The following RBM25 variants were observed in gnomAD, a reference collection of about 807,000 sequenced individuals.
RBM25 encodes the protein RNA-binding protein 25.
In RBM25, 19 loss-of-function variants were observed where a neutral mutation model predicts 120.7. That is an observed-to-expected ratio of 0.16 (90% CI 0.11 to 0.23). RBM25 has a LOEUF of 0.23. Ranked by LOEUF, RBM25 falls within the 10% of genes least tolerant of loss-of-function variation. The pLI is 1.00. For missense variants in RBM25, 605 were observed against 1,041.5 expected (o/e 0.58, Z 5.77); for synonymous variants, 390 against 326.7 (o/e 1.19, Z -2.09).
chr14:73,076,984 G>A (rs1435843204), intron 3 of RBM25, among the ~76,000 whole-genome samples: 2 of 152,232 alleles, frequency 1.3e-5, no homozygotes, highest in African/African-American at 4.8e-5. Flanking sequence ...GGGAGGCCGA[G>A]GCAGGAGAGT....
intron 9 of RBM25, chr14:73,099,987 T>C: frequency 1.9e-6 from 1 of 521,080 alleles, no homozygotes; most frequent in Non-Finnish European, 3.1e-6. Context: ...CACTTTAATA[T>C]GAATAGAAGC....
At chr14:73,076,239 A>G (rs548213472) in intron 2 of RBM25, 80 bp from the exon 3 acceptor site, 2 of 1,112,170 alleles carry the variant, frequency 1.8e-6, no homozygotes, top group East Asian at 2.4e-5. Flanking sequence ...GTTAATTATG[A>G]GTAAGGATAC....
intron 14 of RBM25, 107 bp downstream of exon 14, chr14:73,109,599 C>G: frequency 9.7e-7 from 1 of 1,029,742 alleles, no homozygotes; most frequent in Admixed American, 2.5e-5. Context: ...CGAGATCATC[C>G]TGGCTAACAC....
At chr14:73,099,102 A>G (rs555667409) in intron 7 of RBM25, among the ~76,000 whole-genome samples, 1 of 152,062 alleles carries the variant, frequency 6.6e-6, no homozygotes, top group Non-Finnish European at 1.5e-5. Context: ...TTATGGGTAA[A>G]TATTGTTGGT....
rs1896550343 is a variant in RBM25, at chr14:73,122,191, T to C, written c.*2386T>C. On this transcript the variant is annotated 3_prime_UTR_variant, in exon 19 of 19. Coordinates refer to ENST00000261973, the MANE Select transcript of RBM25 (RefSeq NM_021239.3). ...CATAATCTCATAAATTAATTTTAGTTTGAAAACCTTATACAGTATGAATTC... is the reference window on the plus strand; with the variant it reads ...CATAATCTCATAAATTAATTTTAGTCTGAAAACCTTATACAGTATGAATTC... The C allele has an allele frequency of 6.6e-6, 1 of 152,196 alleles. No individual in the cohort carries two copies. The highest frequency in any genetic ancestry group is 2.4e-5 in the African/African-American group (1 of 41,452). 9.4% of individuals were successfully genotyped at this position (152,196 alleles called of 1,614,324 possible).
intron 17 of RBM25, 105 bp from the exon 18 acceptor site, chr14:73,114,181 G>C: frequency 2.5e-6 from 2 of 791,516 alleles, no homozygotes; most frequent in Admixed American, 5.6e-5. Context: ...TTCCTTAGCC[G>C]CAAGAAGTTC....
At chr14:73,116,086 CAAGA>C (rs1301468765) in intron 18 of RBM25, among the ~76,000 whole-genome samples, 2 of 150,516 alleles carry the variant, frequency 1.3e-5, no homozygotes, top group East Asian at 2.0e-4. Context: ...TTTTTTTTAC[CAAGA>C]AAGAAACAGT....
chr14:73,114,869 T>G (rs907263485), intron 18 of RBM25, among the ~76,000 whole-genome samples: 4 of 152,216 alleles, frequency 2.6e-5, no homozygotes, highest in Non-Finnish European at 5.9e-5. Flanking sequence ...CACTCCAGCC[T>G]GGTGACAGAG....
intron 1 of RBM25, chr14:73,068,339 C>A: frequency 1.4e-6 from 1 of 719,542 alleles, no homozygotes; most frequent in Non-Finnish European, 2.5e-6. Context: ...TGTGCCTTTT[C>A]GTCTTGGCAG....
At chr14:73,061,805 A>T (rs1202501155) in intron 1 of RBM25, among the ~76,000 whole-genome samples, 6 of 151,204 alleles carry the variant, frequency 4.0e-5, no homozygotes, top group Admixed American at 3.3e-4. Flanking sequence ...GGCTCAAAGG[A>T]TCCACCTGCC....
At chr14:73,084,964 C>A (rs945518279) in intron 5 of RBM25, among the ~76,000 whole-genome samples, 3 of 152,006 alleles carry the variant, frequency 2.0e-5, no homozygotes, top group African/African-American at 7.2e-5. Flanking sequence ...TGTGTAATAG[C>A]ATCAGTGTTG....
intron 6 of RBM25, among the ~76,000 whole-genome samples, chr14:73,094,436 T>G (rs1895889063): frequency 1.3e-5 from 2 of 151,982 alleles, no homozygotes; most frequent in African/African-American, 4.8e-5. Context: ...ATAATCAATT[T>G]AGGGTCTATA....
chr14:73,108,140 A>G (rs759445718), intron 13 of RBM25, among the ~76,000 whole-genome samples: 1 of 152,250 alleles, frequency 6.6e-6, no homozygotes, highest in Non-Finnish European at 1.5e-5. Flanking sequence ...GTATTATATC[A>G]AACAATACTA....
intron 15 of RBM25, 72 bp downstream of exon 15, chr14:73,111,227 GA>G: frequency 3.1e-6 from 4 of 1,290,018 alleles, no homozygotes; most frequent in Non-Finnish European, 4.3e-6. Context: ...GTGCTTTAAA[GA>G]AAAAAATTTA....
In RBM25 at chr14:73,069,974, C is replaced by G. The variant is rs1033081053; in HGVS notation, c.-15-1653C>G. 5.5e-4 allele frequency: 84 copies of G among 151,484 alleles called. 2 individuals carry two copies. The highest frequency in any genetic ancestry group is 5.5e-3 in the Admixed American group (83 of 15,182). The allele number at this position is 151,484 out of a possible 1,614,324, so 9.4% of individuals were successfully genotyped here. On this transcript the variant is annotated intron_variant, in intron 1 of 18. Transcript: ENST00000261973. The stretch of plus-strand genomic sequence containing the variant: ...GAAATTGTTTTTAATACTAAAAATG[C>G]TAATGTTTAAATATTAACATTAAAT...
At chr14:73,085,715 G>A (rs1461028141) in intron 5 of RBM25, among the ~76,000 whole-genome samples, 1 of 151,838 alleles carries the variant, frequency 6.6e-6, no homozygotes, top group Non-Finnish European at 1.5e-5. Flanking sequence ...CCAAAGTGCT[G>A]GGATTACAGG....
chr14:73,103,496 TTAC>T lies in RBM25; in HGVS notation c.1154+20_1154+22del, dbSNP rs1420609240. 6.4e-7 allele frequency: 1 copy of T among 1,550,604 alleles called. No individual in the cohort carries two copies. The highest frequency in any genetic ancestry group is 8.7e-7 in the Non-Finnish European group (1 of 1,151,724). Reference sequence around the variant, plus strand: ...CGATCAAGGTAAGGCTTTACAGAAGTTACTGTTTCCTGATAGCTTTAAGAAAAC... The same window carrying T: ...CGATCAAGGTAAGGCTTTACAGAAGTTGTTTCCTGATAGCTTTAAGAAAAC... On this transcript the variant is annotated intron_variant, in intron 10 of 18. Coordinates refer to ENST00000261973, the MANE Select transcript of RBM25 (RefSeq NM_021239.3).
intron 12 of RBM25, 25 bp downstream of exon 12, chr14:73,106,310 G>T (rs763562622): frequency 1.3e-6 from 2 of 1,537,360 alleles, no homozygotes; most frequent in South Asian, 2.6e-5. Context: ...TAAAATAAGT[G>T]ATTTTTCAGG....
rs368578625 is a variant in RBM25, at chr14:73,078,510, A to G, written c.324+974A>G. Among the ~76,000 whole-genome samples the G allele has an allele frequency of 9.1e-4, 138 of 152,276 alleles. 3 individuals are homozygous for G. In the South Asian group the frequency reaches 0.028, roughly 31 times the overall value. ...ACAAAAAAATATATAAAATTGATATAATATTGTTAACTAATGCACATGTAG... is the reference window on the plus strand; with the variant it reads ...ACAAAAAAATATATAAAATTGATATGATATTGTTAACTAATGCACATGTAG... On this transcript the variant is annotated intron_variant, in intron 4 of 18. Transcript: ENST00000261973.
Sources: gnomAD v4.1 joint callset for allele counts (sites outside exome capture counted in the v4.1 genomes callset) on GRCh38, gnomAD v4.1.1 for gene constraint, MANE v1.5 for transcripts, NCBI Gene and HGNC (gene_info 2026-07-23, HGNC 2026-07-21) for gene names.